The following ZNF678 variants were observed in gnomAD, a reference collection of about 807,000 sequenced individuals.
The protein encoded by ZNF678 is hypothetical protein MGC42493.
A neutral mutation model predicts 3.0 loss-of-function variants in ZNF678; 5 were observed. The observed-to-expected ratio is 1.69, with a 90% CI of 0.88 to 3.56. ZNF678 has a LOEUF of 3.56. ZNF678 is among the 30% of genes most tolerant of loss of function. The pLI is 0.00. For missense variants in ZNF678, 593 were observed against 605.0 expected (o/e 0.98, Z 0.21); for synonymous variants, 218 against 199.6 (o/e 1.09, Z -0.78).
chr1:227,618,281 C>T (rs755858960), intron 1 of ZNF678, among the ~76,000 whole-genome samples: 12 of 152,182 alleles, frequency 7.9e-5, no homozygotes, highest in Admixed American at 3.3e-4. Context: ...CCCATCTGGG[C>T]AATCCTTCAC....
intron 1 of ZNF678, among the ~76,000 whole-genome samples, chr1:227,637,020 G>T (rs1388287642): frequency 6.6e-6 from 1 of 152,176 alleles, no homozygotes; most frequent in Admixed American, 6.5e-5. Flanking sequence ...GTGCCTAGAA[G>T]TAGTGGATTG....
chr1:227,663,026 A>G (rs1053039721), downstream of ZNF678, among the ~76,000 whole-genome samples: 2 of 152,196 alleles, frequency 1.3e-5, no homozygotes, highest in African/African-American at 2.4e-5. Context: ...CCCTAATCCA[A>G]TATGACTGGG....
At chr1:227,600,488 A>C (rs531516705) in intron 1 of ZNF678, among the ~76,000 whole-genome samples, 20 of 152,288 alleles carry the variant, frequency 1.3e-4, no homozygotes, top group African/African-American at 4.8e-4. Context: ...TAGCCATTCC[A>C]ACTGGTGTGA....
At chr1:227,611,803 C>T (rs1658027820) in intron 1 of ZNF678, among the ~76,000 whole-genome samples, 1 of 152,084 alleles carries the variant, frequency 6.6e-6, no homozygotes, top group Non-Finnish European at 1.5e-5. Flanking sequence ...CTGTCTGAGA[C>T]CAAGACACTG....
chr1:227,602,915 G>C (rs1252221435), intron 1 of ZNF678, among the ~76,000 whole-genome samples: 1 of 152,216 alleles, frequency 6.6e-6, no homozygotes, highest in Non-Finnish European at 1.5e-5. Flanking sequence ...AGAATTGCTT[G>C]AGCTCAGGAG....
Position 227,656,329 on chromosome 1 carries a change from T to A in ZNF678, c.*501T>A, listed in dbSNP as rs1659248525. 6.6e-6 allele frequency: 1 copy of A among 151,924 alleles called. No homozygotes were observed. The highest frequency in any genetic ancestry group is 1.5e-5 in the Non-Finnish European group (1 of 67,842). 9.4% of individuals were successfully genotyped at this position (151,924 alleles called of 1,614,324 possible). On this transcript the variant is annotated 3_prime_UTR_variant, in exon 4 of 4. Coordinates refer to ENST00000343776, the MANE Select transcript of ZNF678 (RefSeq NM_001367909.1). The stretch of plus-strand genomic sequence containing the variant: ...TCAAAGTTAAAATAGATAATTTAGT[T>A]GTATGTAAATTTAAATGAATCAAGA...
chr1:227,636,548 A>T (rs1368530258), intron 1 of ZNF678, among the ~76,000 whole-genome samples: 1 of 152,240 alleles, frequency 6.6e-6, no homozygotes, highest in African/African-American at 2.4e-5. Flanking sequence ...CCCATGAATC[A>T]TCCTCAGCCC....
rs1255435086 is a variant in ZNF678 at position 227,660,747 on chromosome 1, G to C, written c.*4919G>C. 1 of 152,120 alleles carries C rather than the reference G, an allele frequency of 6.6e-6. No individual in the cohort carries two copies. The highest frequency in any genetic ancestry group is 1.9e-4 in the East Asian group (1 of 5,200). 9.4% of individuals were successfully genotyped at this position (152,120 alleles called of 1,614,324 possible). ...GGAAATTCAGTAGCATGTTAAATAA[G>C]AGTGATGAAGTTAGATATATTTGCC... is the stretch of plus-strand genomic sequence containing the variant. On this transcript the variant is annotated 3_prime_UTR_variant, in exon 4 of 4. Transcript: ENST00000343776.
chr1:227,665,425 C>T (rs544008549), downstream of ZNF678, among the ~76,000 whole-genome samples: 3 of 152,292 alleles, frequency 2.0e-5, no homozygotes, highest in South Asian at 2.1e-4. Context: ...TTTTGACCAA[C>T]AGAATTCAAC....
intron 1 of ZNF678, among the ~76,000 whole-genome samples, chr1:227,609,344 A>G (rs1172615348): frequency 6.6e-6 from 1 of 152,278 alleles, no homozygotes; most frequent in Non-Finnish European, 1.5e-5. Context: ...CAGGCAAAAC[A>G]TAAAAATAAG....
intron 1 of ZNF678, among the ~76,000 whole-genome samples, chr1:227,597,488 G>T (rs1293247416): frequency 2.0e-5 from 3 of 152,202 alleles, no homozygotes; most frequent in Non-Finnish European, 4.4e-5. Flanking sequence ...AGAATCTTCA[G>T]CTATCAAGTT....
intron 5 of ZNF678, among the ~76,000 whole-genome samples, chr1:227,670,157 G>C (rs1659575782): frequency 6.6e-6 from 1 of 152,204 alleles, no homozygotes; most frequent in South Asian, 2.1e-4. Context: ...AGGCACTGTG[G>C]ATTCCTAGGA....
intron 1 of ZNF678, among the ~76,000 whole-genome samples, chr1:227,571,631 G>A (rs1429860751): frequency 6.6e-6 from 1 of 151,346 alleles, no homozygotes; most frequent in East Asian, 1.9e-4. Context: ...CCAGTCAGCT[G>A]TCTTATACTT....
intron 5 of ZNF678, among the ~76,000 whole-genome samples, chr1:227,668,202 T>G (rs1659541078): frequency 1.3e-5 from 2 of 152,214 alleles, no homozygotes; most frequent in Non-Finnish European, 2.9e-5. Flanking sequence ...CCTACTAGAC[T>G]AAATTGTGAA....
In ZNF678 at chr1:227,638,030, T is replaced by C. The variant is rs1261976860; in HGVS notation, c.-163-8514T>C. Reference sequence around the variant, plus strand: ...TACACAGGAGCAGATTGTTAACATATTGAAGGAGAGTGGACGGTTTTAGGG... The same window carrying C: ...TACACAGGAGCAGATTGTTAACATACTGAAGGAGAGTGGACGGTTTTAGGG... On this transcript the variant is annotated intron_variant, in intron 1 of 3. Transcript: ENST00000343776. This position sits in a 1 kb window ranked among gnomAD's most constrained non-coding sequence, Gnocchi z 4.2. Among the ~76,000 whole-genome samples, 2 of 151,974 alleles carry C rather than the reference T, an allele frequency of 1.3e-5. No homozygotes were observed. The highest frequency in any genetic ancestry group is 2.9e-5 in the Non-Finnish European group (2 of 68,000).
rs962932513 is a variant in ZNF678, at chr1:227,661,208, G to A, written c.*5380G>A. On this transcript the variant is annotated 3_prime_UTR_variant, in exon 4 of 4. Transcript: ENST00000343776. ...CAGATTAAATGCTTAATGTGTGTGT[G>A]TTGACTAAATAAATCTCAACCAGAA... 2.0e-4 allele frequency: 30 copies of A among 152,134 alleles called. No homozygotes were observed. The highest frequency in any genetic ancestry group is 7.2e-4 in the African/African-American group (30 of 41,440). 9.4% of individuals were successfully genotyped at this position (152,134 alleles called of 1,614,324 possible).
chr1:227,650,969 A>G lies in ZNF678; in HGVS notation c.-23A>G, dbSNP rs1659075156. The G allele has an allele frequency of 1.2e-6, 2 of 1,611,044 alleles. No homozygotes were observed. The highest frequency in any genetic ancestry group is 1.3e-5 in the African/African-American group (1 of 74,920). On this transcript the variant is annotated 5_prime_UTR_variant, in exon 3 of 4. The change abolishes an upstream ATG in the 5' untranslated region. Coordinates refer to ENST00000343776, the MANE Select transcript of ZNF678 (RefSeq NM_001367909.1). ...TGTTCTGTCTAGGACTTCCAGGACT[A>G]TGTTAAAATAGAAGCATTGATAATG...
At chr1:227,573,315 A>AGTGT (rs141108974) in intron 1 of ZNF678, among the ~76,000 whole-genome samples, 2 of 152,378 alleles carry the variant, frequency 1.3e-5, no homozygotes, top group African/African-American at 4.8e-5. Flanking sequence ...GTACAAACAT[A>AGTGT]GTGCTCTCCT....
chr1:227,678,028 TCAAA>T (rs1294951207), downstream of ZNF678, among the ~76,000 whole-genome samples: 1 of 152,166 alleles, frequency 6.6e-6, no homozygotes, highest in Non-Finnish European at 1.5e-5. Flanking sequence ...TGATTTGTTC[TCAAA>T]CTAATCAAGA....
Sources: allele counts gnomAD v4.1 joint callset (sites outside exome capture counted in the v4.1 genomes callset), GRCh38; gene constraint gnomAD v4.1.1; non-coding constraint Gnocchi (gnomAD v3.1); transcripts MANE v1.5; gene names NCBI Gene and HGNC (gene_info 2026-07-23, HGNC 2026-07-21).